SERPINB12: variants seen among roughly 807,000 people sequenced by gnomAD.
The protein encoded by SERPINB12 is serpin family B member 12.
A neutral mutation model predicts 41.1 loss-of-function variants in SERPINB12; 57 were observed. That is an observed-to-expected ratio of 1.39 (90% CI 1.12 to 1.73). SERPINB12 has a LOEUF of 1.73. SERPINB12 is among the 40% of genes most tolerant of loss of function. The probability of loss-of-function intolerance (pLI) is 0.00; values close to 1 mark genes in which losing one functional copy is unlikely to be tolerated. For missense variants in SERPINB12, 536 were observed against 501.9 expected, an observed-to-expected ratio of 1.07 and a Z score of -0.65; for synonymous variants, 180 against 181.3, an observed-to-expected ratio of 0.99 and a Z score of 0.06.
At chr18:63,522,529 G>A in the SERPINB12 span, among the ~76,000 whole-genome samples, 85 of 152,132 alleles carry the variant, frequency 5.6e-4, no homozygotes, top group Non-Finnish European at 5.1e-4. Context: ...AGAGCCAATA[G>A]TTTTCAAATA....
intron 2 of SERPINB12, among the ~76,000 whole-genome samples, chr18:63,558,078 G>A (rs1910738213): frequency 6.6e-6 from 1 of 152,060 alleles, no homozygotes; most frequent in African/African-American, 2.4e-5. Flanking sequence ...TCTATGAAAT[G>A]CTCCATAGTT....
In SERPINB12 at chr18:63,567,736, T is replaced by C. The variant is rs1754993884; in HGVS notation, c.*725T>C. Among the ~76,000 whole-genome samples, 1 of 152,232 alleles carries C rather than the reference T, an allele frequency of 6.6e-6. No homozygotes were observed. The highest frequency in any genetic ancestry group is 1.5e-5 in the Non-Finnish European group (1 of 68,036). ...AGGAGGTTTATCTCAGTTTTCCTTA[T>C]TGAGTCCCCCAACATTATCATCAAA... On this transcript the variant is annotated 3_prime_UTR_variant, in exon 8 of 8. Transcript: ENST00000382768.
upstream of SERPINB12, among the ~76,000 whole-genome samples, chr18:63,541,954 GAGAACCTCAC>G (rs1286183785): frequency 1.3e-5 from 2 of 152,210 alleles, no homozygotes; most frequent in Non-Finnish European, 2.9e-5. Flanking sequence ...ACACTTGACT[GAGAACCTCAC>G]AGTTTTGTCA....
chr18:63,530,730 C>G, the SERPINB12 span, among the ~76,000 whole-genome samples: 3 of 152,158 alleles, frequency 2.0e-5, no homozygotes, highest in Non-Finnish European at 4.4e-5. Context: ...TCAGGCCCTC[C>G]TTCAAGGATT....
At chr18:63,538,227 T>C (rs1267949741), upstream of SERPINB12, among the ~76,000 whole-genome samples, 1 of 152,146 alleles carries the variant, frequency 6.6e-6, no homozygotes, top group Non-Finnish European at 1.5e-5. Flanking sequence ...AATTCACCCT[T>C]TTAAAGTGTG....
At chr18:63,523,995 C>A in the SERPINB12 span, among the ~76,000 whole-genome samples, 264 of 152,190 alleles carry the variant, frequency 1.7e-3, no homozygotes, top group African/African-American at 6.1e-3. Flanking sequence ...AAGAAGGCAG[C>A]ATTCTCAACC....
At chr18:63,533,408 T>G in the SERPINB12 span, among the ~76,000 whole-genome samples, 1 of 152,254 alleles carries the variant, frequency 6.6e-6, no homozygotes, top group Non-Finnish European at 1.5e-5. Flanking sequence ...GTTAGTCCAC[T>G]GTCCTCCCAT....
At chr18:63,543,338 C>A (rs1347243513) in intron 1 of SERPINB12, among the ~76,000 whole-genome samples, 1 of 152,080 alleles carries the variant, frequency 6.6e-6, no homozygotes, top group Non-Finnish European at 1.5e-5. Flanking sequence ...TCCCACTGAT[C>A]CCTTTGAAAG....
chr18:63,557,404 A>G (rs1363468229), intron 2 of SERPINB12, among the ~76,000 whole-genome samples: 1 of 152,196 alleles, frequency 6.6e-6, no homozygotes, highest in Non-Finnish European at 1.5e-5. Flanking sequence ...AAATGAAGGT[A>G]ATAAGAACAA....
chr18:63,546,359 A>G (rs1183165437), intron 1 of SERPINB12, among the ~76,000 whole-genome samples: 2 of 152,222 alleles, frequency 1.3e-5, no homozygotes, highest in African/African-American at 4.8e-5. Context: ...AGAGTGCTAG[A>G]ACCAAAAGTA....
rs764032441 is a variant in SERPINB12 at position 63,558,312 on chromosome 18, G to C, written c.169-40G>C. Reference sequence around the variant, plus strand: ...TCTGAAGTTATTCAGGCTTCCCTCTGTTCATATTATCTGAAAGACCCCATC... The same window carrying C: ...TCTGAAGTTATTCAGGCTTCCCTCTCTTCATATTATCTGAAAGACCCCATC... On this transcript the variant is annotated intron_variant, in intron 2 of 7. Transcript: ENST00000382768. The C allele has an allele frequency of 1.9e-6, 3 of 1,590,680 alleles. No individual in the cohort carries two copies. In the Admixed American group the frequency reaches 5.4e-5, roughly 29 times the overall value.
At chr18:63,527,555 T>C in the SERPINB12 span, among the ~76,000 whole-genome samples, 1 of 152,166 alleles carries the variant, frequency 6.6e-6, no homozygotes, top group South Asian at 2.1e-4. Context: ...ATATTTTTTT[T>C]CCAGTGAGCT....
At chr18:63,543,312 C>G (rs1298810071) in intron 1 of SERPINB12, among the ~76,000 whole-genome samples, 6 of 152,156 alleles carry the variant, frequency 3.9e-5, no homozygotes, top group Non-Finnish European at 8.8e-5. Context: ...AAGGCTCTAA[C>G]CCTAACCTGT....
chr18:63,524,443 C>T, the SERPINB12 span, among the ~76,000 whole-genome samples: 2 of 152,002 alleles, frequency 1.3e-5, no homozygotes, highest in African/African-American at 4.8e-5. Flanking sequence ...GTGCACACCA[C>T]CATGCCCGGC....
chr18:63,565,101 T>A (rs1439449114), intron 6 of SERPINB12, among the ~76,000 whole-genome samples: 2 of 151,960 alleles, frequency 1.3e-5, no homozygotes, highest in Non-Finnish European at 2.9e-5. Context: ...GTGGGAGGAT[T>A]GCCTGAGCCC....
At chr18:63,523,649 C>G in the SERPINB12 span, among the ~76,000 whole-genome samples, 1 of 152,126 alleles carries the variant, frequency 6.6e-6, no homozygotes, top group African/African-American at 2.4e-5. Context: ...TCGGACAGAT[C>G]AAGAAAAGCC....
chr18:63,558,569 T>G lies in SERPINB12; in HGVS notation c.303+83T>G. ...CTGTAGGATATTTGGTGATAGTTGCTTATCCCCAAATATTAGACTCTGGAT... is the reference window on the plus strand; with the variant it reads ...CTGTAGGATATTTGGTGATAGTTGCGTATCCCCAAATATTAGACTCTGGAT... On this transcript the variant is annotated intron_variant, in intron 3 of 7. Transcript: ENST00000382768. 6 of 1,395,622 alleles carry G rather than the reference T, an allele frequency of 4.3e-6. 1 individual carries two copies. In the South Asian group the frequency reaches 7.1e-5, roughly 17 times the overall value. The allele number at this position is 1,395,622 out of a possible 1,614,324, so 86.5% of individuals were successfully genotyped here.
Position 63,568,704 on chromosome 18 carries a change from A to T in SERPINB12, c.*1693A>T, listed in dbSNP as rs956211154. Among the ~76,000 whole-genome samples, 1 of 152,086 alleles carries T rather than the reference A, an allele frequency of 6.6e-6. No homozygotes were observed. Among genetic ancestry groups the T allele is most frequent in the African/African-American group, 2.4e-5 (1 of 41,388 alleles). On this transcript the variant is annotated 3_prime_UTR_variant, in exon 8 of 8. Coordinates refer to ENST00000382768, the MANE Select transcript of SERPINB12 (RefSeq NM_001307928.2). ...TGTGGCTGTCCTCCTCCCAGCTGCC[A>T]CCAGTCGTTCAGTGTGGCCACGCAG...
At position 63,552,630 on chromosome 18, in the gene SERPINB12, T is replaced by G. The variant is rs145431777; in HGVS notation, c.-18-3512T>G. On this transcript the variant is annotated intron_variant, in intron 1 of 7. Coordinates refer to ENST00000382768, the MANE Select transcript of SERPINB12 (RefSeq NM_001307928.2). Reference sequence around the variant, plus strand: ...TTCTATGCGTCTTAAACTCTACTCCTGAATCTGCGAATGCATTATCTGCTC... The same window carrying G: ...TTCTATGCGTCTTAAACTCTACTCCGGAATCTGCGAATGCATTATCTGCTC... Among the ~76,000 whole-genome samples the G allele has an allele frequency of 1.2e-4, 19 of 152,300 alleles. No individual in the cohort carries two copies. The East Asian group carries it at 3.5e-3, about 28-fold the overall frequency.
Sources: allele counts gnomAD v4.1 joint callset (sites outside exome capture counted in the v4.1 genomes callset), GRCh38; gene constraint gnomAD v4.1.1; transcripts MANE v1.5; gene names NCBI Gene and HGNC (gene_info 2026-07-23, HGNC 2026-07-21).